The following FIGNL2 variants were observed in gnomAD, a reference collection of about 807,000 sequenced individuals.
FIGNL2 encodes fidgetin-like protein 2.
For synonymous variants in FIGNL2, 565 were observed against 484.0 expected, an observed-to-expected ratio of 1.17 and a Z score of -2.20; for missense variants, 1,060 against 950.2, an observed-to-expected ratio of 1.12 and a Z score of -1.52.
intron 1 of FIGNL2, among the ~76,000 whole-genome samples, chr12:51,830,459 A>T (rs1371778744): frequency 6.6e-6 from 1 of 151,704 alleles, no homozygotes; most frequent in Non-Finnish European, 1.5e-5. Context: ...ATTTTTATTT[A>T]AAAAAAGAAA....
At position 51,821,343 on chromosome 12, in the gene FIGNL2, C is replaced by T. The variant is rs1253444677; in HGVS notation, c.1071G>A (p.Gly357=). Residue 357 remains glycine (G), a synonymous_variant, in exon 2 of 2, where the codon GGG becomes GGA. Coordinates refer to ENST00000618634, the MANE Select transcript of FIGNL2 (RefSeq NM_001384995.1). ...TCTCCCCCGACGGCACGGCGAACCC[C>T]CCACGAGGAGCCGGGGCCCGCTCCG... The part of the protein sequence containing the change: ...KFPERAPAPR[G]GFAVPSGETP... 6.7e-7 allele frequency: 1 copy of T among 1,501,176 alleles called. No individual in the cohort carries two copies. Among genetic ancestry groups the T allele is most frequent in the South Asian group, 1.2e-5 (1 of 80,178 alleles). 93.0% of individuals were successfully genotyped at this position (1,501,176 alleles called of 1,614,324 possible).
chr12:51,826,681 G>A (rs1464622996), intron 1 of FIGNL2, among the ~76,000 whole-genome samples: 1 of 151,072 alleles, frequency 6.6e-6, no homozygotes, highest in African/African-American at 2.4e-5. Context: ...AGGAAGCAGG[G>A]CACCAGGTCA....
At position 51,848,603 on chromosome 12, in the gene FIGNL2, C is replaced by G. The variant is rs566295289; in HGVS notation, c.-75G>C. 2.0e-3 allele frequency: 1,822 copies of G among 933,624 alleles called. 36 individuals are homozygous for G. In the African/African-American group the frequency reaches 0.03, roughly 15 times the overall value. 57.8% of individuals were successfully genotyped at this position (933,624 alleles called of 1,614,324 possible). A position where few individuals can be genotyped will look rare whatever the true frequency, so the allele number is the denominator to read the frequency against. ...CCTGGGGGCGCGTCCGGCCCGGGGA[C>G]CGGGGCGGCGGCGCGGGCCGGGGGC... On this transcript the variant is annotated 5_prime_UTR_variant, in exon 1 of 2. Coordinates refer to ENST00000618634, the MANE Select transcript of FIGNL2 (RefSeq NM_001384995.1).
chr12:51,821,130 G>A lies in FIGNL2; in HGVS notation c.1284C>T (p.Val428=), dbSNP rs553492145. The A allele has an allele frequency of 5.5e-6, 8 of 1,453,906 alleles. No homozygotes were observed. Among genetic ancestry groups the A allele is most frequent in the Non-Finnish European group, 7.2e-6 (8 of 1,116,200 alleles). 90.1% of individuals were successfully genotyped at this position (1,453,906 alleles called of 1,614,324 possible). ...YPGSLRPPRT[V]LLFGPRGAGK... ...CCGCGCCCCGCGGCCCAAAGAGCAGGACGGTCCGCGGCGGGCGCAGGCTGC... is the reference window on the plus strand; with the variant it reads ...CCGCGCCCCGCGGCCCAAAGAGCAGAACGGTCCGCGGCGGGCGCAGGCTGC... Residue 428 remains valine, a synonymous_variant, in exon 2 of 2, where the codon GTC becomes GTT. Transcript: ENST00000618634.
intron 1 of FIGNL2, chr12:51,847,684 C>T (rs1392180559): frequency 2.0e-6 from 2 of 985,306 alleles, no homozygotes; most frequent in Non-Finnish European, 2.4e-6. Context: ...GCAGGGGGAC[C>T]AGCGGGGCTG....
chr12:51,826,640 CAAAAAAAAA>C (rs4025910), intron 1 of FIGNL2, among the ~76,000 whole-genome samples: 7 of 104,390 alleles, frequency 6.7e-5, no homozygotes, highest in Admixed American at 5.2e-4. Context: ...ACTCCCATCT[CAAAAAAAAA>C]AAAAAAAAAA....
In FIGNL2 at chr12:51,821,357, G is replaced by T; in HGVS notation, c.1057C>A (p.Pro353Thr). 6.7e-7 allele frequency: 1 copy of T among 1,502,348 alleles called. No individual in the cohort carries two copies. 93.1% of individuals were successfully genotyped at this position (1,502,348 alleles called of 1,614,324 possible). ...EPFEKFPERA[P>T]APRGGFAVPS... ...ACGGCGAACCCCCCACGAGGAGCCG[G>T]GGCCCGCTCCGGGAACTTTTCAAAG... The change falls in exon 2 of 2, where the codon CCG (proline) becomes ACG (threonine). Residue 353 changes from proline to threonine, a missense_variant. By Grantham distance (38) the Pro-to-Thr change is conservative (BLOSUM62 -1). Coordinates refer to ENST00000618634, the MANE Select transcript of FIGNL2 (RefSeq NM_001384995.1).
At chr12:51,825,777 C>T (rs1168028502) in intron 1 of FIGNL2, 5 of 151,842 alleles carry the variant, frequency 3.3e-5, no homozygotes, top group Admixed American at 2.6e-4. Flanking sequence ...CTACCACGCC[C>T]GGCTAATTTT....
intron 1 of FIGNL2, chr12:51,845,521 C>T (rs993948496): frequency 2.1e-5 from 21 of 985,312 alleles, no homozygotes; most frequent in Non-Finnish European, 2.4e-5. Flanking sequence ...CACAGGGGCA[C>T]TGGGGCCTGG....
chr12:51,824,956 A>G (rs1028196729), intron 1 of FIGNL2, among the ~76,000 whole-genome samples: 8 of 152,056 alleles, frequency 5.3e-5, no homozygotes, highest in Non-Finnish European at 1.2e-4. Context: ...AGGCAGGAGA[A>G]CCACTTGAAC....
rs185015874 is a variant in FIGNL2 at position 51,847,718 on chromosome 12, A to T, written c.-12+822T>A. On this transcript the variant is annotated intron_variant, in intron 1 of 1. Transcript: ENST00000618634. ...TGGGGAAGGGCACCAGCATTTGCTG[A>T]TCACCTACAGGGTGCTCAGCAATCT... 4 of 985,350 alleles carry T rather than the reference A, an allele frequency of 4.1e-6. No individual in the cohort carries two copies. The East Asian group carries it at 4.6e-4, about 112-fold the overall frequency. The allele number at this position is 985,350 out of a possible 1,614,324, so 61.0% of individuals were successfully genotyped here.
rs1939186306 is a variant in FIGNL2 at position 51,821,378 on chromosome 12, C to G, written c.1036G>C (p.Glu346Gln). 5 of 1,509,920 alleles carry G rather than the reference C, an allele frequency of 3.3e-6. No homozygotes were observed. The highest frequency in any genetic ancestry group is 2.9e-5 in the African/African-American group (2 of 69,666). The allele number at this position is 1,509,920 out of a possible 1,614,324, so 93.5% of individuals were successfully genotyped here. A position where few individuals can be genotyped will look rare whatever the true frequency, so the allele number is the denominator to read the frequency against. The change falls in exon 2 of 2, where the codon GAA becomes CAA. Residue 346 changes from glutamate (E) to glutamine (Q), a missense_variant. Glu to Gln is a conservative substitution (Grantham distance 29, BLOSUM62 2). Transcript: ENST00000618634. ...GCCGGGGCCCGCTCCGGGAACTTTT[C>G]AAAGGGCTCCAGTTGCGGGCCGTAG... ...PVYGPQLEPF[E>Q]KFPERAPAPR...
intron 1 of FIGNL2, among the ~76,000 whole-genome samples, chr12:51,830,737 C>T (rs1485579107): frequency 2.0e-5 from 3 of 151,960 alleles, no homozygotes; most frequent in Admixed American, 1.3e-4. Context: ...ATGATTCGCC[C>T]GCCTTGGCCT....
intron 1 of FIGNL2, among the ~76,000 whole-genome samples, chr12:51,834,357 A>G (rs533625988): frequency 1.3e-5 from 2 of 152,208 alleles, no homozygotes; most frequent in Middle Eastern, 3.4e-3. Flanking sequence ...TCAGCCCCCC[A>G]GAGACTCCAC....
At chr12:51,847,757 T>A in intron 1 of FIGNL2, 1 of 985,392 alleles carries the variant, frequency 1.0e-6, no homozygotes, top group Non-Finnish European at 1.2e-6. Flanking sequence ...AAGGACCCTC[T>A]GCAGCGGCGG....
At chr12:51,843,653 A>C (rs1939698339) in intron 1 of FIGNL2, among the ~76,000 whole-genome samples, 1 of 152,086 alleles carries the variant, frequency 6.6e-6, no homozygotes, top group Non-Finnish European at 1.5e-5. Flanking sequence ...CTGCCCTGGC[A>C]GTGAGAGGGG....
intron 1 of FIGNL2, among the ~76,000 whole-genome samples, chr12:51,827,124 G>C (rs1939362104): frequency 6.6e-6 from 1 of 152,216 alleles, no homozygotes; most frequent in South Asian, 2.1e-4. Flanking sequence ...CTGACACAGA[G>C]ACCCTGGGCC....
At position 51,821,563 on chromosome 12, in the gene FIGNL2, T is replaced by A. The variant is rs768702774; in HGVS notation, c.851A>T (p.Glu284Val). 8.5e-5 allele frequency: 131 copies of A among 1,543,216 alleles called. No individual in the cohort carries two copies. The highest frequency in any genetic ancestry group is 1.8e-4 in the Middle Eastern group (1 of 5,516). Residue 284 changes from glutamate (E) to valine (V), a missense_variant, in exon 2 of 2, where the codon GAG becomes GTG. Glu to Val is a moderately radical substitution (Grantham distance 121). Transcript: ENST00000618634. ...GTCAGCCACGGGGGCCTTGGCGGGCTCGTACGCGTACTTGCGGTAGCGGCC... is the reference window on the plus strand; with the variant it reads ...GTCAGCCACGGGGGCCTTGGCGGGCACGTACGCGTACTTGCGGTAGCGGCC... ...PEGRYRKYAY[E>V]PAKAPVADGA...
Position 51,820,985 on chromosome 12 carries a change from A to C in FIGNL2, c.1429T>G (p.Phe477Val). The change falls in exon 2 of 2, where the codon TTC becomes GTC. Residue 477 changes from phenylalanine to valine, a missense_variant. Coordinates refer to ENST00000618634, the MANE Select transcript of FIGNL2 (RefSeq NM_001384995.1). The stretch of plus-strand genomic sequence containing the variant: ...GGTGGGCGGCAGCGCGCGGCCGCGA[A>C]GGCGGCCTGGAGGAGGCGCGCGCCC... ...AEGARLLQAA[F>V]AAARCRPPSV... 1 of 1,211,804 alleles carries C rather than the reference A, an allele frequency of 8.3e-7. No homozygotes were observed. The highest frequency in any genetic ancestry group is 1.0e-6 in the Non-Finnish European group (1 of 977,286). 75.1% of individuals were successfully genotyped at this position (1,211,804 alleles called of 1,614,324 possible). A position where few individuals can be genotyped will look rare whatever the true frequency, so the allele number is the denominator to read the frequency against.
Sources: gnomAD v4.1 joint callset for allele counts (sites outside exome capture counted in the v4.1 genomes callset) on GRCh38, gnomAD v4.1.1 for gene constraint, MANE v1.5 for transcripts, NCBI Gene and HGNC (gene_info 2026-07-23, HGNC 2026-07-21) for gene names.